Variants in HNRNPL observed in about 807,000 individuals in gnomAD.
HNRNPL encodes heterogeneous nuclear ribonucleoprotein L, also known as epididymis secretory sperm binding protein.
In HNRNPL, 12 loss-of-function variants were observed where a neutral mutation model predicts 64.0. That is an observed-to-expected ratio of 0.19 (90% CI 0.12 to 0.30). The LOEUF (loss-of-function observed/expected upper bound fraction) is 0.30, where lower values mean the gene tolerates loss of function less well. Ranked by LOEUF, HNRNPL falls within the 10% of genes least tolerant of loss-of-function variation. The pLI, the probability that HNRNPL is intolerant of heterozygous loss-of-function variation, is 1.00. For synonymous variants in HNRNPL, 385 were observed against 313.0 expected, an observed-to-expected ratio of 1.23 and a Z score of -2.43; for missense variants, 484 against 797.4, an observed-to-expected ratio of 0.61 and a Z score of 4.73.
intron 6 of HNRNPL, among the ~76,000 whole-genome samples, chr19:38,842,878 C>G (rs1862376358): frequency 6.6e-6 from 1 of 152,202 alleles, no homozygotes; most frequent in Non-Finnish European, 1.5e-5. Context: ...TGGTTGTTGC[C>G]ATGTTTCTGT....
At chr19:38,836,862 C>T in intron 12 of HNRNPL, 82 bp from the exon 13 acceptor site, 3 of 1,022,490 alleles carry the variant, frequency 2.9e-6, no homozygotes, top group Non-Finnish European at 4.5e-6. Context: ...GTACCCATCT[C>T]CCATTTTCTG....
At chr19:38,839,464 G>C (rs1274795504) in intron 8 of HNRNPL, 2 of 174,738 alleles carry the variant, frequency 1.1e-5, no homozygotes, top group East Asian at 3.2e-4. Flanking sequence ...GTGAACCTGG[G>C]CGCGTTATTT....
At chr19:38,848,377 G>GCCC (rs1972374185) in intron 1 of HNRNPL, among the ~76,000 whole-genome samples, 1 of 152,174 alleles carries the variant, frequency 6.6e-6, no homozygotes, top group Admixed American at 6.5e-5. Flanking sequence ...ATAGGCATGA[G>GCCC]CCCCCACTCC....
At chr19:38,843,965 C>A in intron 5 of HNRNPL, 43 bp downstream of exon 5, 1 of 1,607,640 alleles carries the variant, frequency 6.2e-7, no homozygotes, top group Non-Finnish European at 8.5e-7. Context: ...CCCCAGCTCA[C>A]CTGGAAGCTG....
intron 1 of HNRNPL, among the ~76,000 whole-genome samples, 179 bp downstream of exon 1, chr19:38,849,521 G>A (rs376384987): frequency 2.0e-5 from 3 of 152,134 alleles, no homozygotes; most frequent in East Asian, 1.9e-4. Flanking sequence ...CGCACGCGCA[G>A]GCGCCTGTCC....
At chr19:38,846,430 T>C (rs1316274403) in intron 2 of HNRNPL, among the ~76,000 whole-genome samples, 3 of 152,196 alleles carry the variant, frequency 2.0e-5, no homozygotes, top group Non-Finnish European at 2.9e-5. Flanking sequence ...ACTACTGTAT[T>C]TGCAGTATAT....
chr19:38,844,349 G>T (rs1972215523), intron 4 of HNRNPL, among the ~76,000 whole-genome samples: 1 of 152,128 alleles, frequency 6.6e-6, no homozygotes, highest in Non-Finnish European at 1.5e-5. Context: ...CCGACCCATG[G>T]CCACCAGCAA....
chr19:38,847,495 C>T, intron 1 of HNRNPL, 61 bp from the exon 2 acceptor site: 1 of 1,010,160 alleles, frequency 9.9e-7, no homozygotes. Flanking sequence ...GCCCCACTGG[C>T]CTCTGTACTG....
chr19:38,842,774 AG>A (rs1239056485), intron 6 of HNRNPL, among the ~76,000 whole-genome samples: 1 of 152,088 alleles, frequency 6.6e-6, no homozygotes, highest in African/African-American at 2.4e-5. Context: ...GGGCTGCCAA[AG>A]CTGAGAGGCA....
At chr19:38,844,756 G>A (rs1972233317) in intron 4 of HNRNPL, 1 of 148,836 alleles carries the variant, frequency 6.7e-6, no homozygotes, top group Non-Finnish European at 1.5e-5. Flanking sequence ...GTGTTGCCCA[G>A]GATGGAATAC....
chr19:38,845,039 C>T (rs1314586425), intron 4 of HNRNPL: 1 of 152,278 alleles, frequency 6.6e-6, no homozygotes, highest in Non-Finnish European at 1.5e-5. Flanking sequence ...TTCCTTTTCC[C>T]AGGGGCACAT....
chr19:38,838,375 T>C, intron 10 of HNRNPL, 22 bp downstream of exon 10: 1 of 1,594,812 alleles, frequency 6.3e-7, no homozygotes. Context: ...CCCGACTGCC[T>C]GCGCAGCTCC....
chr19:38,851,327 G>A (rs567890227), upstream of HNRNPL, among the ~76,000 whole-genome samples: 7 of 152,370 alleles, frequency 4.6e-5, no homozygotes, highest in South Asian at 2.1e-4. Context: ...GGGGTGGAGA[G>A]GAGCGCGCCC....
intron 10 of HNRNPL, among the ~76,000 whole-genome samples, chr19:38,837,906 G>A (rs1355053922): frequency 2.0e-5 from 3 of 152,162 alleles, no homozygotes; most frequent in South Asian, 2.1e-4. Flanking sequence ...ATCTGCACCC[G>A]GCTGTTTGCT....
At chr19:38,844,608 T>A (rs1399748346) in intron 4 of HNRNPL, 2 of 164,496 alleles carry the variant, frequency 1.2e-5, no homozygotes, top group South Asian at 2.8e-4. Context: ...ACAAGCTCCT[T>A]CTGACTTTAC....
intron 10 of HNRNPL, 36 bp downstream of exon 10, chr19:38,838,361 A>C (rs746494372): frequency 7.0e-6 from 11 of 1,567,322 alleles, no homozygotes; most frequent in Non-Finnish European, 9.6e-6. Flanking sequence ...GGCCGTGGCA[A>C]GGACCCGACT....
At chr19:38,838,280 C>G in intron 10 of HNRNPL, 117 bp downstream of exon 10, 1 of 811,918 alleles carries the variant, frequency 1.2e-6, no homozygotes, top group Non-Finnish European at 2.0e-6. Context: ...TAGCACTCAA[C>G]CCAGGGCCAG....
chr19:38,845,636 C>T lies in HNRNPL; in HGVS notation c.710+14G>A, dbSNP rs747967075. 8 of 1,605,056 alleles carry T rather than the reference C, an allele frequency of 5.0e-6. No individual in the cohort carries two copies. The highest frequency in any genetic ancestry group is 1.7e-4 in the Middle Eastern group (1 of 6,046). On this transcript the variant is annotated intron_variant, in intron 4 of 12. Coordinates refer to ENST00000221419, the MANE Select transcript of HNRNPL (RefSeq NM_001533.3). ...CCCTACCCTAAGGAACACCTGTTTT[C>T]CAGCAAAGGATATTCCACCATCGCC...
chr19:38,838,287 C>G (rs1230752527), intron 10 of HNRNPL, 110 bp downstream of exon 10: 1 of 856,442 alleles, frequency 1.2e-6, no homozygotes, highest in African/African-American at 1.7e-5. Context: ...CAACCCAGGG[C>G]CAGGCAGGAC....
Sources: gnomAD v4.1 joint callset for allele counts (sites outside exome capture counted in the v4.1 genomes callset) on GRCh38, gnomAD v4.1.1 for gene constraint, MANE v1.5 for transcripts, NCBI Gene and HGNC (gene_info 2026-07-23, HGNC 2026-07-21) for gene names.